PCDH15: variants seen among roughly 807,000 people sequenced by gnomAD.
PCDH15 encodes the protein protocadherin related 15.
In PCDH15, 129 loss-of-function variants were observed where a neutral mutation model predicts 178.5. The observed-to-expected ratio is 0.72, with a 90% CI of 0.63 to 0.84. The LOEUF (loss-of-function observed/expected upper bound fraction) is 0.84. PCDH15 is among the 40% of genes least tolerant of loss of function. The pLI is 0.00. For synonymous variants in PCDH15, 800 were observed against 732.0 expected (o/e 1.09, Z -1.50); for missense variants, 2,230 against 2,099.9 (o/e 1.06, Z -1.21).
At chr10:55,144,180 G>A (rs764541424) in intron 2 of PCDH15, among the ~76,000 whole-genome samples, 4 of 151,550 alleles carry the variant, frequency 2.6e-5, no homozygotes, top group Non-Finnish European at 4.4e-5. Flanking sequence ...TTCTATCTAC[G>A]ACTGACTCAT....
At chr10:54,399,088 C>A (rs2135446764) in intron 3 of PCDH15, among the ~76,000 whole-genome samples, 2 of 152,170 alleles carry the variant, frequency 1.3e-5, no homozygotes, top group Middle Eastern at 6.8e-3. Flanking sequence ...CTCAACAACT[C>A]TCTCTTAGAA....
At chr10:55,241,954 G>T (rs1455984945) in intron 1 of PCDH15, among the ~76,000 whole-genome samples, 1 of 152,116 alleles carries the variant, frequency 6.6e-6, no homozygotes, top group Non-Finnish European at 1.5e-5. Flanking sequence ...GTTTGTCTCT[G>T]CATGAGAGTG....
At chr10:54,906,682 A>G (rs1954727379) in intron 2 of PCDH15, among the ~76,000 whole-genome samples, 2 of 152,128 alleles carry the variant, frequency 1.3e-5, no homozygotes, top group Admixed American at 1.3e-4. Flanking sequence ...AGAGTGCCCA[A>G]CATTTTGCAA....
chr10:54,884,598 T>C (rs1406454783), intron 3 of PCDH15, among the ~76,000 whole-genome samples: 1 of 151,920 alleles, frequency 6.6e-6, no homozygotes, highest in Non-Finnish European at 1.5e-5. Flanking sequence ...TATAAATCTT[T>C]TCCATGCTGC....
chr10:55,542,108 C>G (rs1291100394), intron 2 of PCDH15, among the ~76,000 whole-genome samples: 1 of 151,420 alleles, frequency 6.6e-6, no homozygotes, highest in Non-Finnish European at 1.5e-5. Flanking sequence ...ACCTCTGGAA[C>G]CTATAACCAC....
chr10:54,550,866 G>A (rs1415382672), intron 2 of PCDH15, among the ~76,000 whole-genome samples: 1 of 151,900 alleles, frequency 6.6e-6, no homozygotes, highest in Non-Finnish European at 1.5e-5. Flanking sequence ...CTTTAAAAAT[G>A]TCTTTTAGGC....
At chr10:55,355,612 C>T (rs984555887) in intron 2 of PCDH15, among the ~76,000 whole-genome samples, 7 of 151,770 alleles carry the variant, frequency 4.6e-5, no homozygotes, top group Admixed American at 4.6e-4. Flanking sequence ...TTGTTACTGT[C>T]GAGTGTTTCG....
At chr10:55,493,119 C>T (rs532475018) in intron 2 of PCDH15, among the ~76,000 whole-genome samples, 1 of 151,532 alleles carries the variant, frequency 6.6e-6, no homozygotes, top group East Asian at 2.0e-4. Context: ...CAGGGAGGGA[C>T]AGAAAAATAT....
intron 1 of PCDH15, among the ~76,000 whole-genome samples, chr10:55,257,114 T>C (rs2799613): frequency 0.84 from 128,444 of 152,182 alleles, 54,926 homozygotes; most frequent in East Asian, 0.96. Context: ...CAGGCAAACA[T>C]GGTCTGGAGT....
intron 3 of PCDH15, among the ~76,000 whole-genome samples, chr10:54,866,232 C>G (rs976276549): frequency 6.6e-6 from 1 of 152,070 alleles, no homozygotes. Context: ...GAAGGTATTG[C>G]TTTTTTTCAT....
intron 1 of PCDH15, among the ~76,000 whole-genome samples, chr10:55,212,308 C>G (rs1840591006): frequency 6.6e-6 from 1 of 152,010 alleles, no homozygotes; most frequent in African/African-American, 2.4e-5. Flanking sequence ...CACCTCTTCA[C>G]CAGCTCATCT....
intron 3 of PCDH15, among the ~76,000 whole-genome samples, chr10:54,869,704 C>T (rs1162916162): frequency 2.0e-5 from 3 of 152,140 alleles, no homozygotes; most frequent in Admixed American, 6.5e-5. Flanking sequence ...CAGTGCCTGG[C>T]ATATTATAAG....
intron 2 of PCDH15, among the ~76,000 whole-genome samples, chr10:55,374,871 G>A (rs1416088682): frequency 6.6e-6 from 1 of 151,584 alleles, no homozygotes; most frequent in Admixed American, 6.6e-5. Flanking sequence ...AATAAATGAA[G>A]GAATTATTGA....
chr10:54,980,644 A>T (rs1316635146), intron 2 of PCDH15, among the ~76,000 whole-genome samples: 2 of 152,036 alleles, frequency 1.3e-5, no homozygotes, highest in African/African-American at 4.8e-5. Flanking sequence ...AAATTCACAA[A>T]TTAGTCTCAT....
At chr10:55,502,357 CA>C (rs1840674729) in intron 2 of PCDH15, among the ~76,000 whole-genome samples, 1 of 151,616 alleles carries the variant, frequency 6.6e-6, no homozygotes, top group Non-Finnish European at 1.5e-5. Flanking sequence ...AGCACCCTTT[CA>C]AGCTTAGAAC....
intron 2 of PCDH15, among the ~76,000 whole-genome samples, chr10:55,540,813 A>G (rs1416675779): frequency 6.6e-6 from 1 of 152,076 alleles, no homozygotes; most frequent in Non-Finnish European, 1.5e-5. Context: ...ACTCTTAATA[A>G]GTAATGGAGA....
chr10:54,062,711 C>T (rs1461441539), intron 18 of PCDH15, among the ~76,000 whole-genome samples: 1 of 151,434 alleles, frequency 6.6e-6, no homozygotes, highest in African/African-American at 2.4e-5. Flanking sequence ...AATTTAAGAA[C>T]CAGGAGACAA....
intron 3 of PCDH15, among the ~76,000 whole-genome samples, chr10:54,445,458 A>G (rs1248405518): frequency 6.6e-6 from 1 of 151,512 alleles, no homozygotes; most frequent in African/African-American, 2.4e-5. Flanking sequence ...GCTTTTAAAA[A>G]ATTGTCTACA....
chr10:54,447,182 G>A (rs934950007), intron 3 of PCDH15, among the ~76,000 whole-genome samples: 2 of 151,564 alleles, frequency 1.3e-5, no homozygotes, highest in African/African-American at 4.8e-5. Flanking sequence ...TGGTACATGA[G>A]CCTGAATTTG....
Sources: allele counts gnomAD v4.1 joint callset (sites outside exome capture counted in the v4.1 genomes callset), GRCh38; gene constraint gnomAD v4.1.1; transcripts MANE v1.5; gene names NCBI Gene and HGNC (gene_info 2026-07-23, HGNC 2026-07-21).